Variants in MAGI2 observed in about 807,000 individuals in gnomAD.
The protein encoded by MAGI2 is membrane associated guanylate kinase, WW and PDZ domain containing 2, also known as membrane-associated guanylate kinase, WW and PDZ domain-containing protein 2.
Under a neutral mutation model 133.3 loss-of-function variants are expected in MAGI2, and 35 were observed. That is an observed-to-expected ratio of 0.26 (90% CI 0.20 to 0.35). The LOEUF is 0.35. MAGI2 is among the 10% of genes least tolerant of loss of function. The pLI is 1.00. For synonymous variants in MAGI2, 729 were observed against 710.6 expected (o/e 1.03, Z -0.41); for missense variants, 1,636 against 1,863.4 (o/e 0.88, Z 2.25).
intron 6 of MAGI2, among the ~76,000 whole-genome samples, chr7:78,394,294 C>T (rs977333566): frequency 6.6e-5 from 10 of 152,176 alleles, no homozygotes; most frequent in African/African-American, 1.9e-4. Context: ...AAATACTGGA[C>T]AAATGCAAAT....
intron 6 of MAGI2, among the ~76,000 whole-genome samples, chr7:78,402,543 A>G (rs1208587271): frequency 1.3e-5 from 2 of 152,154 alleles, no homozygotes; most frequent in East Asian, 1.9e-4. Context: ...ATATCATGCT[A>G]TACAGTCTTA....
intron 9 of MAGI2, among the ~76,000 whole-genome samples, chr7:78,316,399 C>G (rs866550483): frequency 2.0e-5 from 3 of 152,184 alleles, no homozygotes; most frequent in African/African-American, 7.2e-5. Flanking sequence ...GCTCTTTAAA[C>G]ATTCTGAGAT....
At chr7:78,786,622 C>T (rs1826841266) in intron 2 of MAGI2, among the ~76,000 whole-genome samples, 1 of 152,190 alleles carries the variant, frequency 6.6e-6, no homozygotes, top group Admixed American at 6.5e-5. Context: ...CGGCCCTCTG[C>T]CTAGAACGGT....
At chr7:79,200,656 A>G (rs1316096076) in intron 1 of MAGI2, among the ~76,000 whole-genome samples, 1 of 151,744 alleles carries the variant, frequency 6.6e-6, no homozygotes, top group East Asian at 1.9e-4. Context: ...TCATTTCACA[A>G]TCTTCACAGT....
At position 78,238,210 on chromosome 7, in the gene MAGI2, T is replaced by C. The variant is rs1338418429; in HGVS notation, c.2047+17733A>G. Among the ~76,000 whole-genome samples, 5 of 152,120 alleles carry C rather than the reference T, an allele frequency of 3.3e-5. 1 individual carries two copies. Among genetic ancestry groups the C allele is most frequent in the Non-Finnish European group, 7.4e-5 (5 of 68,026 alleles). Reference sequence around the variant, plus strand: ...TCTTTATTTGCACTCATTTCCTAGATGTTCTTATTCAGTCCCCAGCTTTAG... The same window carrying C: ...TCTTTATTTGCACTCATTTCCTAGACGTTCTTATTCAGTCCCCAGCTTTAG... On this transcript the variant is annotated intron_variant, in intron 10 of 21. Transcript: ENST00000354212.
intron 2 of MAGI2, among the ~76,000 whole-genome samples, chr7:78,782,727 C>G (rs1287023515): frequency 6.6e-6 from 1 of 151,930 alleles, no homozygotes; most frequent in Admixed American, 6.6e-5. Flanking sequence ...GCCTGTGGGC[C>G]AAGCAGATAT....
intron 6 of MAGI2, among the ~76,000 whole-genome samples, chr7:78,461,383 CGTGTGTGTGCGTGT>C (rs1219392101): frequency 1.1e-5 from 1 of 92,658 alleles, no homozygotes; most frequent in Non-Finnish European, 2.2e-5. Context: ...TTCCTGGACA[CGTGTGTGTGCGTGT>C]GTGTGTGTGT....
intron 1 of MAGI2, among the ~76,000 whole-genome samples, chr7:79,144,661 A>G (rs1178757822): frequency 6.6e-6 from 1 of 152,218 alleles, no homozygotes; most frequent in African/African-American, 2.4e-5. Flanking sequence ...GTAAGAGTTC[A>G]CTGTGAGTGC....
intron 1 of MAGI2, among the ~76,000 whole-genome samples, chr7:79,278,104 G>T (rs957887433): frequency 1.3e-5 from 2 of 152,118 alleles, no homozygotes; most frequent in Non-Finnish European, 2.9e-5. Flanking sequence ...CAAGGGGGCA[G>T]ATCCCTCATG....
intron 13 of MAGI2, among the ~76,000 whole-genome samples, chr7:78,183,149 C>A (rs1445642457): frequency 6.6e-6 from 1 of 151,916 alleles, no homozygotes; most frequent in Non-Finnish European, 1.5e-5. Flanking sequence ...AATAATATAC[C>A]TTATAATTAT....
intron 2 of MAGI2, among the ~76,000 whole-genome samples, chr7:78,915,995 T>G (rs1798763613): frequency 6.6e-6 from 1 of 152,090 alleles, no homozygotes; most frequent in African/African-American, 2.4e-5. Flanking sequence ...TCATCATTAT[T>G]GTAACATACG....
intron 3 of MAGI2, among the ~76,000 whole-genome samples, chr7:78,595,795 G>T (rs1189085983): frequency 6.6e-6 from 1 of 152,156 alleles, no homozygotes; most frequent in East Asian, 1.9e-4. Context: ...TAAGTATTTT[G>T]AATGTATCGG....
At chr7:78,052,595 A>G (rs1002922741) in intron 21 of MAGI2, among the ~76,000 whole-genome samples, 8 of 152,170 alleles carry the variant, frequency 5.3e-5, no homozygotes, top group East Asian at 1.9e-4. Context: ...ACCATTGCTT[A>G]CTCTCAGCAA....
At chr7:78,804,820 C>G (rs991574212) in intron 2 of MAGI2, among the ~76,000 whole-genome samples, 3 of 149,768 alleles carry the variant, frequency 2.0e-5, no homozygotes, top group African/African-American at 7.4e-5. Context: ...GTAATCCCAG[C>G]ACTTTGGGAA....
intron 5 of MAGI2, among the ~76,000 whole-genome samples, chr7:78,493,439 A>T (rs759900043): frequency 6.6e-6 from 1 of 152,140 alleles, no homozygotes; most frequent in Non-Finnish European, 1.5e-5. Context: ...AAGCAGCAGG[A>T]CTTTCAGATA....
chr7:78,711,000 C>A (rs1585159409), intron 2 of MAGI2, among the ~76,000 whole-genome samples: 1 of 152,098 alleles, frequency 6.6e-6, no homozygotes, highest in African/African-American at 2.4e-5. Context: ...CAATTGAAAT[C>A]AGCTAAGTCT....
chr7:78,583,153 C>T (rs547002818), intron 3 of MAGI2, among the ~76,000 whole-genome samples: 2 of 152,170 alleles, frequency 1.3e-5, no homozygotes, highest in African/African-American at 4.8e-5. Context: ...CACTTTATAA[C>T]AAAACACATA....
chr7:78,524,353 T>A (rs1796770847), intron 3 of MAGI2, among the ~76,000 whole-genome samples: 1 of 148,992 alleles, frequency 6.7e-6, no homozygotes, highest in African/African-American at 2.5e-5. Context: ...GAAGTAAGAA[T>A]GTATGAGAAA....
intron 6 of MAGI2, among the ~76,000 whole-genome samples, chr7:78,448,763 C>T (rs548896723): frequency 1.9e-4 from 29 of 152,016 alleles, no homozygotes; most frequent in African/African-American, 6.0e-4. Context: ...TAGGCTTATG[C>T]GCACACTGAA....
Sources: gnomAD v4.1 joint callset for allele counts (sites outside exome capture counted in the v4.1 genomes callset) on GRCh38, gnomAD v4.1.1 for gene constraint, MANE v1.5 for transcripts, NCBI Gene and HGNC (gene_info 2026-07-23, HGNC 2026-07-21) for gene names.